The following PPFIA2 variants were observed in gnomAD, a reference collection of about 807,000 sequenced individuals.
The protein encoded by PPFIA2 is liprin-alpha-2.
PPFIA2 carries 46 observed loss-of-function variants against 175.5 expected under a neutral mutation model. The ratio of observed to expected loss-of-function variants is 0.26; its 90% CI spans 0.21 to 0.34. PPFIA2 has a LOEUF of 0.34. PPFIA2 is among the 10% of genes least tolerant of loss of function. The pLI is 1.00. For synonymous variants in PPFIA2, 568 were observed against 511.4 expected, an observed-to-expected ratio of 1.11 and a Z score of -1.49; for missense variants, 1,179 against 1,506.1, an observed-to-expected ratio of 0.78 and a Z score of 3.60.
chr12:81,634,734 A>C (rs577109415), intron 4 of PPFIA2, among the ~76,000 whole-genome samples: 1 of 152,184 alleles, frequency 6.6e-6, no homozygotes, highest in Admixed American at 6.5e-5. Flanking sequence ...TTCAACCATT[A>C]AACATAATTC....
In PPFIA2 at chr12:81,384,189, A is replaced by C; in HGVS notation, c.818T>G (p.Leu273Arg). The change falls in exon 9 of 33, where the codon CTA (leucine) becomes CGA (arginine). Residue 273 changes from leucine to arginine, a missense_variant. Transcript: ENST00000549396. Reference protein sequence around the residue: ...STDETSQIVELQELLEKQNYE... With the variant: ...STDETSQIVERQELLEKQNYE... ...GTTTTGCTTTTCAAGCAATTCTTGT[A>C]GTTCAACTATTTGACTAGTTTCATC... is the stretch of plus-strand genomic sequence containing the variant. 1 of 1,609,292 alleles carries C rather than the reference A, an allele frequency of 6.2e-7. No individual in the cohort carries two copies. Among genetic ancestry groups the C allele is most frequent in the Non-Finnish European group, 8.5e-7 (1 of 1,177,096 alleles).
At position 81,460,517 on chromosome 12, in the gene PPFIA2, G is replaced by T. The variant is rs74826322; in HGVS notation, c.304-2651C>A. Among the ~76,000 whole-genome samples, 619 of 152,162 alleles carry T rather than the reference G, an allele frequency of 4.1e-3. 7 individuals carry two copies. Among genetic ancestry groups the T allele is most frequent in the African/African-American group, 0.014 (586 of 41,538 alleles). Reference sequence around the variant, plus strand: ...GTCCAAGAGTGTGGGGAACTAGAAGGTCCAAAGTATAGTATACCTTCCACA... The same window carrying T: ...GTCCAAGAGTGTGGGGAACTAGAAGTTCCAAAGTATAGTATACCTTCCACA... On this transcript the variant is annotated intron_variant, in intron 4 of 32. Coordinates refer to ENST00000549396, the MANE Select transcript of PPFIA2 (RefSeq NM_003625.5).
At position 81,559,878 on chromosome 12, in the gene PPFIA2, G is replaced by A. The variant is rs138870694; in HGVS notation, c.304-102012C>T. Among the ~76,000 whole-genome samples, 11 of 150,490 alleles carry A rather than the reference G, an allele frequency of 7.3e-5. No individual in the cohort carries two copies. The East Asian group carries it at 1.8e-3, about 24-fold the overall frequency. On this transcript the variant is annotated intron_variant, in intron 4 of 32. Transcript: ENST00000549396. ...CAACCCAAATAATTTGACACACATC[G>A]TTTCAAATAAATTAACATCCTATCT...
intron 14 of PPFIA2, 48 bp from the exon 15 acceptor site, chr12:81,362,832 C>G: frequency 5.3e-6 from 6 of 1,125,450 alleles, no homozygotes; most frequent in Non-Finnish European, 6.5e-6. Flanking sequence ...TATCAGCAAG[C>G]AATTATGATA....
chr12:81,654,359 G>A lies in PPFIA2; in HGVS notation c.303+22432C>T, dbSNP rs548616385. On this transcript the variant is annotated intron_variant, in intron 4 of 32. Transcript: ENST00000549396. ...AAACATAATTGTAAGTAAAAACTGCGAGACACTTGATCACTATTTTAAAAG... is the reference window on the plus strand; with the variant it reads ...AAACATAATTGTAAGTAAAAACTGCAAGACACTTGATCACTATTTTAAAAG... Among the ~76,000 whole-genome samples the A allele has an allele frequency of 5.3e-5, 8 of 151,908 alleles. No homozygotes were observed. In the East Asian group the frequency reaches 7.7e-4, roughly 15 times the overall value.
chr12:81,612,591 A>G (rs529899626), intron 4 of PPFIA2, among the ~76,000 whole-genome samples: 2 of 152,342 alleles, frequency 1.3e-5, no homozygotes, highest in South Asian at 2.1e-4. Flanking sequence ...ATGTCACACA[A>G]ATGAAGACAT....
At chr12:81,400,307 G>T (rs2041898367) in intron 8 of PPFIA2, among the ~76,000 whole-genome samples, 1 of 151,998 alleles carries the variant, frequency 6.6e-6, no homozygotes, top group African/African-American at 2.4e-5. Context: ...ACCTATTTTT[G>T]TCATTGGTTG....
At chr12:81,594,595 A>AAT (rs1184053988) in intron 4 of PPFIA2, among the ~76,000 whole-genome samples, 7 of 152,136 alleles carry the variant, frequency 4.6e-5, no homozygotes, top group Non-Finnish European at 8.8e-5. Flanking sequence ...GTAAATGTAG[A>AAT]ATAGAGAAAC....
chr12:81,702,049 T>A (rs1199480743), intron 3 of PPFIA2, among the ~76,000 whole-genome samples: 1 of 152,084 alleles, frequency 6.6e-6, no homozygotes, highest in Non-Finnish European at 1.5e-5. Context: ...ATGTGGGATG[T>A]AAGCTGGCAT....
chr12:81,507,294 A>G (rs771243755), intron 4 of PPFIA2, among the ~76,000 whole-genome samples: 1 of 152,134 alleles, frequency 6.6e-6, no homozygotes, highest in Admixed American at 6.5e-5. Context: ...TATCATTATT[A>G]ATTCTTTTCT....
chr12:81,568,028 C>T (rs2071699644), intron 4 of PPFIA2, among the ~76,000 whole-genome samples: 7 of 152,144 alleles, frequency 4.6e-5, no homozygotes, highest in Admixed American at 4.6e-4. Flanking sequence ...AATTGCATTG[C>T]AGTAATCATG....
At chr12:81,658,419 TTCTC>T (rs1424011072) in intron 4 of PPFIA2, among the ~76,000 whole-genome samples, 3 of 152,154 alleles carry the variant, frequency 2.0e-5, no homozygotes, top group Middle Eastern at 3.2e-3. Flanking sequence ...CTAATATGCT[TTCTC>T]TATAAGCCTT....
chr12:81,498,971 G>T (rs2060308809), intron 4 of PPFIA2, among the ~76,000 whole-genome samples: 1 of 152,172 alleles, frequency 6.6e-6, no homozygotes, highest in Non-Finnish European at 1.5e-5. Context: ...GTGAGGTAAA[G>T]AAAAGAACTG....
At chr12:81,321,753 C>T (rs1033771803) in intron 22 of PPFIA2, among the ~76,000 whole-genome samples, 8 of 152,204 alleles carry the variant, frequency 5.3e-5, no homozygotes, top group South Asian at 2.1e-4. Context: ...AAGAGAGTTT[C>T]TATTTATTGT....
intron 4 of PPFIA2, among the ~76,000 whole-genome samples, chr12:81,632,261 A>G (rs2063476100): frequency 6.6e-6 from 1 of 152,158 alleles, no homozygotes; most frequent in South Asian, 2.1e-4. Context: ...TTATTATAGT[A>G]ATCACAGACA....
intron 4 of PPFIA2, among the ~76,000 whole-genome samples, chr12:81,464,430 A>C (rs2055204744): frequency 6.6e-6 from 1 of 152,124 alleles, no homozygotes; most frequent in African/African-American, 2.4e-5. Context: ...CATATCCCAG[A>C]GCAAAGATAA....
intron 14 of PPFIA2, among the ~76,000 whole-genome samples, chr12:81,364,948 G>A (rs910255051): frequency 6.6e-6 from 1 of 151,684 alleles, no homozygotes; most frequent in African/African-American, 2.4e-5. Flanking sequence ...TTGATGTGTG[G>A]GAGTGGGGTG....
At chr12:81,531,688 G>A (rs905461964) in intron 4 of PPFIA2, among the ~76,000 whole-genome samples, 39 of 151,464 alleles carry the variant, frequency 2.6e-4, no homozygotes, top group Admixed American at 1.7e-3. Flanking sequence ...CAGGAACATT[G>A]TAGAATATTT....
At chr12:81,621,499 A>G (rs559377950) in intron 4 of PPFIA2, among the ~76,000 whole-genome samples, 2 of 152,348 alleles carry the variant, frequency 1.3e-5, no homozygotes, top group South Asian at 4.1e-4. Context: ...TGAAAGGATC[A>G]TTTTAGCTTT....
Sources: gnomAD v4.1 joint callset for allele counts (sites outside exome capture counted in the v4.1 genomes callset) on GRCh38, gnomAD v4.1.1 for gene constraint, MANE v1.5 for transcripts, NCBI Gene and HGNC (gene_info 2026-07-23, HGNC 2026-07-21) for gene names.